The following CDH4 variants were observed in gnomAD, a reference collection of about 807,000 sequenced individuals.
CDH4 encodes cadherin-4.
In CDH4, 33 loss-of-function variants were observed where a neutral mutation model predicts 86.0. That is an observed-to-expected ratio of 0.38 (90% CI 0.29 to 0.51). The LOEUF (loss-of-function observed/expected upper bound fraction) is 0.51. CDH4 is among the 20% of genes least tolerant of loss of function. The pLI is 0.86. For missense variants in CDH4, 1,114 were observed against 1,307.4 expected, an observed-to-expected ratio of 0.85 and a Z score of 2.28; for synonymous variants, 555 against 549.4, an observed-to-expected ratio of 1.01 and a Z score of -0.14.
chr20:61,308,377 A>G (rs2084428642), intron 2 of CDH4, among the ~76,000 whole-genome samples: 1 of 152,214 alleles, frequency 6.6e-6, no homozygotes, highest in Non-Finnish European at 1.5e-5. Context: ...TGCTGATTGA[A>G]TTAGTGGGAT....
intron 2 of CDH4, among the ~76,000 whole-genome samples, chr20:61,265,040 G>A (rs1660794279): frequency 7.1e-6 from 1 of 139,964 alleles, no homozygotes; most frequent in African/African-American, 2.7e-5. Flanking sequence ...CCTTCATTCA[G>A]TCCTACACAT....
chr20:61,586,002 GGTGATGGTGATT>G (rs1176099519), intron 2 of CDH4, among the ~76,000 whole-genome samples: 9 of 151,550 alleles, frequency 5.9e-5, no homozygotes, highest in African/African-American at 2.2e-4. Context: ...TGATGATGAT[GGTGATGGTGATT>G]GTGATGGTGA....
intron 2 of CDH4, among the ~76,000 whole-genome samples, chr20:61,262,522 C>T (rs2084133310): frequency 6.6e-6 from 1 of 152,144 alleles, no homozygotes; most frequent in African/African-American, 2.4e-5. Context: ...TGTAAGCTTC[C>T]AAGACCTGTG....
chr20:61,512,733 TGGG>T (rs2145615173), intron 2 of CDH4, among the ~76,000 whole-genome samples: 1 of 152,308 alleles, frequency 6.6e-6, no homozygotes, highest in Non-Finnish European at 1.5e-5. Flanking sequence ...AGGTGGCCCT[TGGG>T]GGCCGCCGCT....
intron 2 of CDH4, among the ~76,000 whole-genome samples, chr20:61,482,592 T>G (rs1480119412): frequency 6.6e-6 from 1 of 152,172 alleles, no homozygotes. Flanking sequence ...TTTTTTGCCC[T>G]TCCTCTCCTA....
At chr20:61,499,593 G>A in intron 2 of CDH4, 1 of 1,121,526 alleles carries the variant, frequency 8.9e-7, no homozygotes, top group South Asian at 1.4e-5. Context: ...GGTCACACAG[G>A]GAGGAGGGCT....
intron 4 of CDH4, among the ~76,000 whole-genome samples, chr20:61,828,450 G>A (rs372755287): frequency 3.3e-5 from 5 of 152,328 alleles, no homozygotes; most frequent in East Asian, 3.9e-4. Context: ...TAGGACCAAC[G>A]ATCTGGTTTC....
chr20:61,456,057 AAG>A (rs892260159), intron 2 of CDH4, among the ~76,000 whole-genome samples: 15 of 151,952 alleles, frequency 9.9e-5, no homozygotes, highest in African/African-American at 1.4e-4. Flanking sequence ...GAAGGAAGGA[AAG>A]AGAGAGGGAT....
intron 2 of CDH4, among the ~76,000 whole-genome samples, chr20:61,311,115 G>C (rs780082257): frequency 2.6e-5 from 4 of 152,146 alleles, no homozygotes; most frequent in Non-Finnish European, 5.9e-5. Flanking sequence ...GGTGACTCAG[G>C]CTCAGATGTT....
intron 4 of CDH4, among the ~76,000 whole-genome samples, chr20:61,805,632 G>A (rs1306401698): frequency 1.3e-5 from 2 of 152,192 alleles, no homozygotes; most frequent in East Asian, 1.9e-4. Flanking sequence ...GGGAGCATTC[G>A]ACTGCCTGAT....
chr20:61,527,720 C>G (rs1372181063), intron 2 of CDH4, among the ~76,000 whole-genome samples: 6 of 152,044 alleles, frequency 3.9e-5, no homozygotes, highest in Non-Finnish European at 5.9e-5. Flanking sequence ...GGGTCCTGTC[C>G]TGGTGTCCCC....
At position 61,681,200 on chromosome 20, in the gene CDH4, A is replaced by G. The variant is rs1391076111; in HGVS notation, c.170-62363A>G. Among the ~76,000 whole-genome samples the G allele has an allele frequency of 6.6e-6, 1 of 152,218 alleles. No individual in the cohort carries two copies. Among genetic ancestry groups the G allele is most frequent in the Non-Finnish European group, 1.5e-5 (1 of 68,036 alleles). On this transcript the variant is annotated intron_variant, in intron 2 of 15. Transcript: ENST00000614565. This position sits in a 1 kb window ranked among gnomAD's most constrained non-coding sequence, Gnocchi z 4.5. ...GTCCTAATGGCTTTTTTTCTCTTTCAGCCACACACAGTCAAATTTGAGGCA... is the reference window on the plus strand; with the variant it reads ...GTCCTAATGGCTTTTTTTCTCTTTCGGCCACACACAGTCAAATTTGAGGCA...
chr20:61,661,084 C>CAGG (rs796435717), intron 2 of CDH4, among the ~76,000 whole-genome samples: 1 of 74,798 alleles, frequency 1.3e-5, no homozygotes, highest in Admixed American at 1.5e-4. Flanking sequence ...GGAGGCATGG[C>CAGG]GGGGGGGGGG....
intron 2 of CDH4, among the ~76,000 whole-genome samples, chr20:61,483,991 C>G (rs1384201972): frequency 2.0e-5 from 3 of 152,120 alleles, no homozygotes; most frequent in African/African-American, 4.8e-5. Flanking sequence ...GCAGATGTGT[C>G]TCTCCTTTGG....
intron 2 of CDH4, among the ~76,000 whole-genome samples, chr20:61,456,382 C>T (rs572214373): frequency 6.6e-5 from 10 of 152,298 alleles, no homozygotes; most frequent in East Asian, 1.9e-4. Flanking sequence ...TTCTCTGCTA[C>T]GGCTGATTTT....
chr20:61,665,921 C>T (rs764876691), intron 2 of CDH4, among the ~76,000 whole-genome samples: 5 of 152,084 alleles, frequency 3.3e-5, no homozygotes, highest in Non-Finnish European at 5.9e-5. Flanking sequence ...CCGAGGGGCA[C>T]CTGCGGCTAC....
intron 2 of CDH4, among the ~76,000 whole-genome samples, chr20:61,486,073 G>C (rs1230719260): frequency 1.3e-5 from 2 of 152,210 alleles, no homozygotes; most frequent in African/African-American, 4.8e-5. Context: ...GCATAGGTGA[G>C]CCATGCTTTC....
rs1220332562 is a variant in CDH4 at position 61,582,609 on chromosome 20, TC to T, written c.170-160952del. On this transcript the variant is annotated intron_variant, in intron 2 of 15. Coordinates refer to ENST00000614565, the MANE Select transcript of CDH4 (RefSeq NM_001794.5). The surrounding 1 kb of genome is among the most constrained non-coding windows in gnomAD (Gnocchi z 4.2). ...CCTGAGAGCTGCACCTAGAGCTTCTTCCGTCCCCTGCAGGGCCTGGTGCGGT... is the reference window on the plus strand; with the variant it reads ...CCTGAGAGCTGCACCTAGAGCTTCTTCGTCCCCTGCAGGGCCTGGTGCGGT... Among the ~76,000 whole-genome samples, 3 of 152,144 alleles carry T rather than the reference TC, an allele frequency of 2.0e-5. No homozygotes were observed. Among genetic ancestry groups the T allele is most frequent in the Non-Finnish European group, 4.4e-5 (3 of 68,032 alleles).
chr20:61,739,371 C>A (rs1368924581), intron 2 of CDH4, among the ~76,000 whole-genome samples: 4 of 152,230 alleles, frequency 2.6e-5, no homozygotes, highest in Admixed American at 1.3e-4. Flanking sequence ...GTGCCTGATG[C>A]TGTCCGGTCC....
Sources: gnomAD v4.1 joint callset for allele counts (sites outside exome capture counted in the v4.1 genomes callset) on GRCh38, gnomAD v4.1.1 for gene constraint, Gnocchi (gnomAD v3.1) non-coding constraint, MANE v1.5 for transcripts, NCBI Gene and HGNC (gene_info 2026-07-23, HGNC 2026-07-21) for gene names.